The following CCSER1 variants were observed in gnomAD, a reference collection of about 807,000 sequenced individuals.
CCSER1 encodes the protein serine-rich coiled-coil domain-containing protein 1.
Under a neutral mutation model 82.0 loss-of-function variants are expected in CCSER1, and 41 were observed. The observed-to-expected ratio is 0.50, with a 90% confidence interval of 0.39 to 0.65. CCSER1 has a LOEUF of 0.65. CCSER1 is among the 30% of genes least tolerant of loss of function. The probability of loss-of-function intolerance (pLI) is 0.00; values close to 1 mark genes in which losing one functional copy is unlikely to be tolerated. For missense variants in CCSER1, 1,119 were observed against 1,064.2 expected (o/e 1.05, Z -0.72); for synonymous variants, 414 against 383.9 (o/e 1.08, Z -0.92).
Position 91,098,543 on chromosome 4 carries a change from A to ATT in CCSER1, c.2217+12549_2217+12550insTT, listed in dbSNP as rs1561547077. Among the ~76,000 whole-genome samples, 64 of 149,442 alleles carry ATT rather than the reference A, an allele frequency of 4.3e-4. 1 individual carries two copies. Among genetic ancestry groups the ATT allele is most frequent in the Non-Finnish European group, 6.0e-5 (4 of 66,554 alleles). On this transcript the variant is annotated intron_variant, in intron 10 of 10. Coordinates refer to ENST00000509176, the MANE Select transcript of CCSER1 (RefSeq NM_001145065.2). The stretch of plus-strand genomic sequence containing the variant: ...TCTTGCCCAAAAGATCACTGGAGAT[A>ATT]ATTTTTTTTTTTTTTTGAGATGGAG...
At chr4:90,665,365 AG>A (rs1218202743) in intron 6 of CCSER1, among the ~76,000 whole-genome samples, 1 of 149,824 alleles carries the variant, frequency 6.7e-6, no homozygotes, top group Non-Finnish European at 1.5e-5. Context: ...GCTGTCGCCC[AG>A]GCTGGAGTGC....
intron 10 of CCSER1, among the ~76,000 whole-genome samples, chr4:91,437,594 G>A (rs1028957569): frequency 6.6e-6 from 1 of 152,190 alleles, no homozygotes; most frequent in Non-Finnish European, 1.5e-5. Context: ...TGAGGTACTG[G>A]GTTCATCTCA....
intron 1 of CCSER1, among the ~76,000 whole-genome samples, chr4:90,307,126 C>T (rs559043223): frequency 1.3e-5 from 2 of 152,206 alleles, no homozygotes; most frequent in South Asian, 4.1e-4. Flanking sequence ...AGTCTTATTA[C>T]TTATTTCTAG....
At chr4:90,443,573 C>T (rs776280445) in intron 4 of CCSER1, among the ~76,000 whole-genome samples, 26 of 151,894 alleles carry the variant, frequency 1.7e-4, no homozygotes, top group Non-Finnish European at 3.2e-4. Flanking sequence ...ACTGAAAATG[C>T]GGAAAGCAAA....
At chr4:90,470,075 TCTC>T (rs1309129472) in intron 5 of CCSER1, among the ~76,000 whole-genome samples, 2 of 152,150 alleles carry the variant, frequency 1.3e-5, no homozygotes, top group Non-Finnish European at 2.9e-5. Context: ...AAATTAATAA[TCTC>T]CTCTAAGTAC....
At chr4:90,529,770 A>G (rs1033263546) in intron 5 of CCSER1, among the ~76,000 whole-genome samples, 2 of 152,018 alleles carry the variant, frequency 1.3e-5, no homozygotes, top group Admixed American at 6.6e-5. Context: ...CAGCTCCTCT[A>G]TTAAGAGTTC....
intron 9 of CCSER1, among the ~76,000 whole-genome samples, chr4:91,056,208 G>GT (rs906416822): frequency 1.3e-5 from 2 of 151,830 alleles, no homozygotes; most frequent in Non-Finnish European, 2.9e-5. Flanking sequence ...TTGTTGGTTT[G>GT]TTTTTTCCTT....
chr4:90,926,106 T>C (rs1425417649), intron 9 of CCSER1, among the ~76,000 whole-genome samples: 1 of 152,044 alleles, frequency 6.6e-6, no homozygotes, highest in African/African-American at 2.4e-5. Flanking sequence ...GTAAATATTT[T>C]TTAATATTTT....
At chr4:91,550,026 T>TG (rs1405298117) in intron 10 of CCSER1, among the ~76,000 whole-genome samples, 1 of 152,116 alleles carries the variant, frequency 6.6e-6, no homozygotes, top group Non-Finnish European at 1.5e-5. Context: ...GAACTGTCAC[T>TG]GGGTCTTCCC....
At chr4:90,720,573 G>A (rs1170593984) in intron 6 of CCSER1, among the ~76,000 whole-genome samples, 1 of 151,806 alleles carries the variant, frequency 6.6e-6, no homozygotes, top group Non-Finnish European at 1.5e-5. Flanking sequence ...GAGTGAAAAC[G>A]GAGCTCCCAT....
At chr4:90,833,237 C>G (rs764219525) in intron 8 of CCSER1, among the ~76,000 whole-genome samples, 1 of 152,122 alleles carries the variant, frequency 6.6e-6, no homozygotes, top group Non-Finnish European at 1.5e-5. Context: ...GAAGAAAGGA[C>G]GAAGAGGGGC....
intron 1 of CCSER1, among the ~76,000 whole-genome samples, chr4:90,281,710 T>C (rs1372161446): frequency 6.6e-6 from 1 of 152,038 alleles, no homozygotes; most frequent in Non-Finnish European, 1.5e-5. Flanking sequence ...TTTTTCTTTA[T>C]GGTGTTGGAA....
chr4:90,451,311 T>C (rs912431625), intron 4 of CCSER1, among the ~76,000 whole-genome samples: 6 of 152,168 alleles, frequency 3.9e-5, no homozygotes, highest in African/African-American at 1.4e-4. Flanking sequence ...CTACCCATAC[T>C]AGGAGGTACT....
chr4:90,314,427 C>G, intron 3 of CCSER1, among the ~76,000 whole-genome samples: 1 of 152,114 alleles, frequency 6.6e-6, no homozygotes, highest in East Asian at 1.9e-4. Flanking sequence ...TTCAGTATTT[C>G]TTCATGGAGA....
chr4:90,907,009 C>T (rs1010480057), intron 8 of CCSER1, among the ~76,000 whole-genome samples: 5 of 152,096 alleles, frequency 3.3e-5, no homozygotes, highest in Non-Finnish European at 7.4e-5. Flanking sequence ...ACAAATTGAA[C>T]TATAATGCAA....
intron 9 of CCSER1, among the ~76,000 whole-genome samples, chr4:91,043,493 T>A (rs1234229322): frequency 6.6e-6 from 1 of 151,876 alleles, no homozygotes; most frequent in Non-Finnish European, 1.5e-5. Context: ...AATTTTAAAT[T>A]TGCAGAAAGT....
At chr4:91,053,188 T>C (rs1243370411) in intron 9 of CCSER1, among the ~76,000 whole-genome samples, 22 of 152,202 alleles carry the variant, frequency 1.4e-4, no homozygotes. Context: ...TAAATTTCAC[T>C]AAGACTTATG....
intron 10 of CCSER1, among the ~76,000 whole-genome samples, chr4:91,161,964 A>G (rs1383790649): frequency 6.6e-6 from 1 of 152,096 alleles, no homozygotes; most frequent in East Asian, 1.9e-4. Flanking sequence ...AGAACTTCCA[A>G]CACTATGTTG....
chr4:90,602,526 T>C lies in CCSER1; in HGVS notation c.1725-25499T>C, dbSNP rs561929764. ...ATATCCATCTTAGTATATTTATTAA[T>C]TTTAATGTGTGCATGGTATTCTGTT... On this transcript the variant is annotated intron_variant, in intron 5 of 10. Coordinates refer to ENST00000509176, the MANE Select transcript of CCSER1 (RefSeq NM_001145065.2). Among the ~76,000 whole-genome samples, 21 of 152,284 alleles carry C rather than the reference T, an allele frequency of 1.4e-4. No homozygotes were observed. The South Asian group carries it at 2.1e-3, about 15-fold the overall frequency.
Sources: allele counts gnomAD v4.1 joint callset (sites outside exome capture counted in the v4.1 genomes callset), GRCh38; gene constraint gnomAD v4.1.1; transcripts MANE v1.5; gene names NCBI Gene and HGNC (gene_info 2026-07-23, HGNC 2026-07-21).